Variants in UNC5C observed in about 807,000 individuals in gnomAD.
The protein encoded by UNC5C is netrin receptor UNC5C.
Under a neutral mutation model 99.8 loss-of-function variants are expected in UNC5C, and 47 were observed. The ratio of observed to expected loss-of-function variants is 0.47; its 90% CI spans 0.37 to 0.60. UNC5C has a LOEUF of 0.60. Ranked by LOEUF, UNC5C falls within the 20% of genes least tolerant of loss-of-function variation. UNC5C has a pLI of 0.00. For missense variants in UNC5C, 1,062 were observed against 1,165.9 expected (o/e 0.91, Z 1.30); for synonymous variants, 487 against 452.2 (o/e 1.08, Z -0.98).
rs1735873502 is a variant in UNC5C, at chr4:95,166,804, A to C, written c.*2430T>G. The stretch of plus-strand genomic sequence containing the variant: ...TCTTTCCTCCTCCTCCTTTTAAAAA[A>C]TGTGTGTGTATAACTGCGTGTATAT... On this transcript the variant is annotated 3_prime_UTR_variant, in exon 16 of 16. Transcript: ENST00000453304. The C allele has an allele frequency of 6.6e-6, 1 of 152,174 alleles. No homozygotes were observed. Among genetic ancestry groups the C allele is most frequent in the Non-Finnish European group, 1.5e-5 (1 of 68,036 alleles). 9.4% of individuals were successfully genotyped at this position (152,174 alleles called of 1,614,324 possible).
chr4:95,185,616 C>G (rs1736799409), intron 12 of UNC5C, among the ~76,000 whole-genome samples: 1 of 152,218 alleles, frequency 6.6e-6, no homozygotes, highest in East Asian at 1.9e-4. Flanking sequence ...CAAAAAGGGA[C>G]AAATAACTAG....
At chr4:95,398,618 C>T (rs184066182) in intron 1 of UNC5C, among the ~76,000 whole-genome samples, 23 of 152,236 alleles carry the variant, frequency 1.5e-4, no homozygotes, top group African/African-American at 4.8e-4. Flanking sequence ...TTAGACAAAG[C>T]AATGAAGATG....
intron 3 of UNC5C, among the ~76,000 whole-genome samples, chr4:95,294,229 C>T (rs576009599): frequency 3.9e-5 from 6 of 152,196 alleles, no homozygotes; most frequent in Admixed American, 6.5e-5. Context: ...TTCTATTGGA[C>T]GCTGCTGTTT....
intron 1 of UNC5C, among the ~76,000 whole-genome samples, chr4:95,441,509 A>G (rs1746949450): frequency 6.6e-6 from 1 of 152,170 alleles, no homozygotes; most frequent in African/African-American, 2.4e-5. Context: ...AGAAATTGCT[A>G]AATTACTTTG....
At chr4:95,507,366 C>G (rs1721951890) in intron 1 of UNC5C, among the ~76,000 whole-genome samples, 1 of 152,018 alleles carries the variant, frequency 6.6e-6, no homozygotes, top group Non-Finnish European at 1.5e-5. Context: ...TTTTTAACAA[C>G]ATCTAAACAG....
In UNC5C at chr4:95,184,967, G is replaced by C. The variant is rs956252185; in HGVS notation, c.2286+80C>G. ...TGACATATGATTAATTTCAAGGAAG[G>C]GGATTTCCTATGTCTATATAATTTT... On this transcript the variant is annotated intron_variant, in intron 13 of 15. Transcript: ENST00000453304. 7.4e-6 allele frequency: 10 copies of C among 1,357,988 alleles called. No homozygotes were observed. The African/African-American group carries it at 1.5e-4, about 20-fold the overall frequency. The allele number at this position is 1,357,988 out of a possible 1,614,324, so 84.1% of individuals were successfully genotyped here.
chr4:95,231,623 C>T (rs186502313), intron 7 of UNC5C, among the ~76,000 whole-genome samples: 232 of 152,102 alleles, frequency 1.5e-3, no homozygotes, highest in Non-Finnish European at 2.0e-3. Context: ...AATTTTTTCA[C>T]CCCAATTACA....
chr4:95,258,639 T>C (rs1182761526), intron 4 of UNC5C, among the ~76,000 whole-genome samples: 1 of 152,048 alleles, frequency 6.6e-6, no homozygotes, highest in African/African-American at 2.4e-5. Flanking sequence ...GGGATTTTAT[T>C]AACAGGTACT....
At chr4:95,538,460 C>G (rs1012112557) in intron 1 of UNC5C, among the ~76,000 whole-genome samples, 1 of 152,186 alleles carries the variant, frequency 6.6e-6, no homozygotes, top group African/African-American at 2.4e-5. Context: ...CTTTAAGACC[C>G]TCTTTTTAAA....
chr4:95,529,355 T>C (rs1722580310), intron 1 of UNC5C, among the ~76,000 whole-genome samples: 1 of 147,926 alleles, frequency 6.8e-6, no homozygotes, highest in Non-Finnish European at 1.5e-5. Flanking sequence ...TGTATATATA[T>C]ATTATATATA....
intron 3 of UNC5C, among the ~76,000 whole-genome samples, chr4:95,296,028 C>A (rs992132102): frequency 2.6e-5 from 4 of 152,154 alleles, no homozygotes; most frequent in African/African-American, 9.7e-5. Context: ...AGACAGGTTG[C>A]AATGAGCCGA....
intron 12 of UNC5C, among the ~76,000 whole-genome samples, chr4:95,192,154 G>C (rs1334779506): frequency 8.8e-6 from 1 of 113,708 alleles, no homozygotes; most frequent in African/African-American, 3.5e-5. Context: ...CACCTCTTCT[G>C]CTCACCTTCT....
intron 1 of UNC5C, among the ~76,000 whole-genome samples, chr4:95,410,049 A>T (rs1745933651): frequency 6.6e-6 from 1 of 152,166 alleles, no homozygotes; most frequent in Non-Finnish European, 1.5e-5. Context: ...CAACCATGGC[A>T]ATGAAAATAG....
chr4:95,460,624 G>A (rs1747572902), intron 1 of UNC5C, among the ~76,000 whole-genome samples: 1 of 152,114 alleles, frequency 6.6e-6, no homozygotes, highest in East Asian at 1.9e-4. Context: ...CTTCTGCCAC[G>A]ATTGTGAGGC....
intron 1 of UNC5C, among the ~76,000 whole-genome samples, chr4:95,525,438 A>C (rs1722472766): frequency 6.6e-6 from 1 of 151,980 alleles, no homozygotes. Flanking sequence ...GGTGTTTTTC[A>C]TTCTAGAAAT....
chr4:95,210,323 G>A (rs1399452128), intron 10 of UNC5C, among the ~76,000 whole-genome samples: 1 of 152,138 alleles, frequency 6.6e-6, no homozygotes, highest in African/African-American at 2.4e-5. Flanking sequence ...ATAATGATAA[G>A]ATTCTCTTAT....
At chr4:95,463,480 C>T (rs1747671624) in intron 1 of UNC5C, among the ~76,000 whole-genome samples, 1 of 151,858 alleles carries the variant, frequency 6.6e-6, no homozygotes, top group Admixed American at 6.5e-5. Context: ...AAAATGAACC[C>T]ATCCTAATGG....
At chr4:95,462,642 G>C (rs1465425733) in intron 1 of UNC5C, among the ~76,000 whole-genome samples, 1 of 152,150 alleles carries the variant, frequency 6.6e-6, no homozygotes, top group Non-Finnish European at 1.5e-5. Flanking sequence ...TAATGTTTTA[G>C]ACATTTCCTA....
intron 1 of UNC5C, among the ~76,000 whole-genome samples, chr4:95,479,417 T>G (rs1371095965): frequency 6.6e-6 from 1 of 151,976 alleles, no homozygotes. Context: ...GAGATATGTT[T>G]CCTTAGATGA....
Sources: allele counts gnomAD v4.1 joint callset (sites outside exome capture counted in the v4.1 genomes callset), GRCh38; gene constraint gnomAD v4.1.1; transcripts MANE v1.5; gene names NCBI Gene and HGNC (gene_info 2026-07-23, HGNC 2026-07-21).